RUNX3: variants seen among roughly 807,000 people sequenced by gnomAD.
RUNX3 encodes the protein RUNX family transcription factor 3.
RUNX3 carries 10 observed loss-of-function variants against 27.7 expected under a neutral mutation model. That is an observed-to-expected ratio of 0.36 (90% CI 0.22 to 0.61). RUNX3 has a LOEUF of 0.61. Ranked by LOEUF, RUNX3 falls within the 20% of genes least tolerant of loss-of-function variation. The probability of loss-of-function intolerance (pLI) is 0.72; values close to 1 mark genes in which losing one functional copy is unlikely to be tolerated. For missense variants in RUNX3, 469 were observed against 629.5 expected (o/e 0.75, Z 2.73); for synonymous variants, 270 against 269.2 (o/e 1.00, Z -0.03).
In RUNX3 at chr1:24,902,523, T is replaced by C; in HGVS notation, c.847A>G (p.Thr283Ala). 6.3e-7 allele frequency: 1 copy of C among 1,596,236 alleles called. No homozygotes were observed. The highest frequency in any genetic ancestry group is 8.6e-7 in the Non-Finnish European group (1 of 1,167,126). The change falls in exon 5 of 5, where the codon ACG (threonine) becomes GCG (alanine). Residue 283 changes from threonine (T) to alanine (A), a missense_variant. Coordinates refer to ENST00000308873, the MANE Select transcript of RUNX3 (RefSeq NM_004350.3). The surrounding 1 kb of genome is among the most constrained non-coding windows in gnomAD (Gnocchi z 9.2). Reference sequence around the variant, plus strand: ...CTGCTGATGCTCGTGCCCGAGGGCGTGGCGCTGTAGGGGAAGGCAGCTGAC... The same window carrying C: ...CTGCTGATGCTCGTGCCCGAGGGCGCGGCGCTGTAGGGGAAGGCAGCTGAC... ...AMSAAFPYSA[T>A]PSGTSISSLS...
chr1:24,954,693 A>G (rs1641868765), intron 2 of RUNX3, among the ~76,000 whole-genome samples: 2 of 152,108 alleles, frequency 1.3e-5, no homozygotes, highest in South Asian at 4.1e-4. Context: ...TCCTTGTCCA[A>G]CCACGGACGT....
At chr1:24,908,208 C>CACGCGGTGATCCGAACCTCTAT (rs1640719177) in intron 3 of RUNX3, among the ~76,000 whole-genome samples, 1 of 144,240 alleles carries the variant, frequency 6.9e-6, no homozygotes, top group Admixed American at 6.8e-5. Context: ...CGAACCTCTA[C>CACGCGGTGATCCGAACCTCTAT]GACACGCGGT....
intron 4 of RUNX3, among the ~76,000 whole-genome samples, chr1:24,906,686 GTTTGGGAGGATGC>G (rs1640670791): frequency 6.6e-6 from 1 of 152,246 alleles, no homozygotes; most frequent in Admixed American, 6.5e-5. Flanking sequence ...AGCTCCTCCT[GTTTGGGAGGATGC>G]TCTGGGCAGG....
At position 24,948,971 on chromosome 1, in the gene RUNX3, C is replaced by A. The variant is rs545021168; in HGVS notation, c.58+15543G>T. The stretch of plus-strand genomic sequence containing the variant: ...CCTCCTGCTGCTTGCCCCTGTGATA[C>A]AAATAATATGAGCACAATGAAAAAT... On this transcript the variant is annotated intron_variant, in intron 2 of 6. Coordinates refer to the RUNX3 transcript ENST00000338888. Among the ~76,000 whole-genome samples, 15 of 151,912 alleles carry A rather than the reference C, an allele frequency of 9.9e-5. No individual in the cohort carries two copies. In the South Asian group the frequency reaches 2.5e-3, roughly 25 times the overall value.
At chr1:24,924,272 G>A (rs1249135601) in intron 2 of RUNX3, among the ~76,000 whole-genome samples, 1 of 152,114 alleles carries the variant, frequency 6.6e-6, no homozygotes, top group South Asian at 2.1e-4. Flanking sequence ...AGCTATTGAG[G>A]TGGGAGGACT....
At chr1:24,938,027 C>A (rs1186922867) in intron 2 of RUNX3, among the ~76,000 whole-genome samples, 1 of 152,226 alleles carries the variant, frequency 6.6e-6, no homozygotes, top group Non-Finnish European at 1.5e-5. Context: ...GGTTGGGAAG[C>A]AGTTGGATCT....
intron 2 of RUNX3, among the ~76,000 whole-genome samples, chr1:24,952,805 G>A (rs553450099): frequency 6.6e-6 from 1 of 152,338 alleles, no homozygotes; most frequent in Admixed American, 6.5e-5. Flanking sequence ...CACATAGCCA[G>A]TAAGTGGCAG....
chr1:24,959,800 T>C (rs116151383), intron 2 of RUNX3, among the ~76,000 whole-genome samples: 2,089 of 152,174 alleles, frequency 0.014, 41 homozygotes, highest in African/African-American at 0.047. Flanking sequence ...AAGAGTCCAC[T>C]TTCCATTTCT....
Position 24,901,857 on chromosome 1 carries a change from C to A in RUNX3, c.*265G>T. 1 of 460,576 alleles carries A rather than the reference C, an allele frequency of 2.2e-6. No homozygotes were observed. The highest frequency in any genetic ancestry group is 3.9e-6 in the Non-Finnish European group (1 of 259,130). 28.5% of individuals were successfully genotyped at this position (460,576 alleles called of 1,614,324 possible). On this transcript the variant is annotated 3_prime_UTR_variant, in exon 5 of 5. Transcript: ENST00000308873. ...CCGGGGGGGTGGCAGGAGGCTGATT[C>A]CCCACAGAAGTATGGGATGAGACGG...
intron 2 of RUNX3, among the ~76,000 whole-genome samples, chr1:24,920,208 ATAC>A (rs1232337157): frequency 4.0e-5 from 6 of 151,140 alleles, no homozygotes; most frequent in South Asian, 2.1e-4. Flanking sequence ...AACTTTTAAA[ATAC>A]TACTTTTTTT....
At chr1:24,921,794 C>T (rs1182324938) in intron 2 of RUNX3, among the ~76,000 whole-genome samples, 1 of 152,186 alleles carries the variant, frequency 6.6e-6, no homozygotes, top group Non-Finnish European at 1.5e-5. Flanking sequence ...GCCCTAGGGG[C>T]CAGACTGGAG....
Position 24,963,415 on chromosome 1 carries a change from G to T in RUNX3, c.58+1099C>A, listed in dbSNP as rs192005540. ...TGCTGACTGCCTCGGCTGAGGAAAGGCAGCACCAGCCCCCAACCCTGAAGT... is the reference window on the plus strand; with the variant it reads ...TGCTGACTGCCTCGGCTGAGGAAAGTCAGCACCAGCCCCCAACCCTGAAGT... On this transcript the variant is annotated intron_variant, in intron 2 of 6. Transcript: ENST00000338888. 2.5e-3 allele frequency among the ~76,000 whole-genome samples: 374 copies of T among 152,308 alleles called. 3 individuals are homozygous for T. The highest frequency in any genetic ancestry group is 8.7e-3 in the African/African-American group (360 of 41,562).
At chr1:24,910,194 C>A (rs1053450787) in intron 3 of RUNX3, among the ~76,000 whole-genome samples, 4 of 149,408 alleles carry the variant, frequency 2.7e-5, no homozygotes, top group African/African-American at 9.9e-5. Context: ...GAGGCTGAGG[C>A]AGGAGAATCG....
intron 2 of RUNX3, among the ~76,000 whole-genome samples, chr1:24,959,275 G>A (rs146473311): frequency 3.9e-5 from 6 of 152,196 alleles, no homozygotes; most frequent in South Asian, 4.1e-4. Context: ...ACACAGTCCC[G>A]CTGTGTGGGG....
chr1:24,938,848 C>A (rs560026788), intron 2 of RUNX3, among the ~76,000 whole-genome samples: 1 of 152,092 alleles, frequency 6.6e-6, no homozygotes, highest in African/African-American at 2.4e-5. Flanking sequence ...TCACCAGATG[C>A]GGAACCTGCC....
At chr1:24,952,809 G>A (rs906250916) in intron 2 of RUNX3, among the ~76,000 whole-genome samples, 2 of 152,222 alleles carry the variant, frequency 1.3e-5, no homozygotes, top group African/African-American at 4.8e-5. Flanking sequence ...TAGCCAGTAA[G>A]TGGCAGATCC....
chr1:24,915,714 G>A (rs1405268833), intron 3 of RUNX3, among the ~76,000 whole-genome samples: 2 of 152,006 alleles, frequency 1.3e-5, no homozygotes, highest in Non-Finnish European at 2.9e-5. Flanking sequence ...AGGCAGGAGT[G>A]TCCCTGGCAA....
chr1:24,938,744 C>G (rs1262557961), intron 2 of RUNX3, among the ~76,000 whole-genome samples: 1 of 152,014 alleles, frequency 6.6e-6, no homozygotes, highest in Non-Finnish European at 1.5e-5. Context: ...TGGATTAGGC[C>G]CTCTTTGCCC....
intron 2 of RUNX3, among the ~76,000 whole-genome samples, chr1:24,945,416 A>T (rs1311285865): frequency 6.6e-6 from 1 of 152,208 alleles, no homozygotes; most frequent in East Asian, 1.9e-4. Context: ...GGCTCCCAGA[A>T]TGCCTACAGG....
Sources: gnomAD v4.1 joint callset for allele counts (sites outside exome capture counted in the v4.1 genomes callset) on GRCh38, gnomAD v4.1.1 for gene constraint, Gnocchi (gnomAD v3.1) non-coding constraint, MANE v1.5 for transcripts, NCBI Gene and HGNC (gene_info 2026-07-23, HGNC 2026-07-21) for gene names.